The following PTPRT variants were observed in gnomAD, a reference collection of about 807,000 sequenced individuals.
The protein encoded by PTPRT is protein tyrosine phosphatase receptor type T.
A neutral mutation model predicts 176.8 loss-of-function variants in PTPRT; 56 were observed. That is an observed-to-expected ratio of 0.32 (90% CI 0.26 to 0.40). The LOEUF (loss-of-function observed/expected upper bound fraction) is 0.40, where lower values mean the gene tolerates loss of function less well. Ranked by LOEUF, PTPRT falls within the 10% of genes least tolerant of loss-of-function variation. PTPRT has a pLI of 1.00. For synonymous variants in PTPRT, 783 were observed against 739.0 expected, an observed-to-expected ratio of 1.06 and a Z score of -0.96; for missense variants, 1,540 against 1,908.2, an observed-to-expected ratio of 0.81 and a Z score of 3.60.
At chr20:42,093,494 T>C (rs1299428462) in intron 27 of PTPRT, among the ~76,000 whole-genome samples, 1 of 152,172 alleles carries the variant, frequency 6.6e-6, no homozygotes, top group Admixed American at 6.5e-5. Context: ...GCTGACTAAA[T>C]GAAGTAGTGT....
In PTPRT at chr20:42,073,067, C is replaced by G. The variant is rs1441045242; in HGVS notation, c.*7812G>C. ...CATACGTGCTTTATCTATCAAACAC[C>G]CAAACTGTACAAGTGCAGGCCATTG... is the stretch of plus-strand genomic sequence containing the variant. On this transcript the variant is annotated 3_prime_UTR_variant, in exon 31 of 31. Coordinates refer to ENST00000373187, the MANE Select transcript of PTPRT (RefSeq NM_007050.6). The G allele has an allele frequency of 4.6e-6, 1 of 216,118 alleles. No individual in the cohort carries two copies. Among genetic ancestry groups the G allele is most frequent in the Non-Finnish European group, 9.3e-6 (1 of 107,028 alleles). 13.4% of individuals were successfully genotyped at this position (216,118 alleles called of 1,614,324 possible).
Position 42,625,904 on chromosome 20 carries a change from G to A in PTPRT, c.1153+51962C>T, listed in dbSNP as rs374999185. ...TTACCTAATCCATTCTGATTTTGAT[G>A]AAAAGTTCCATTTTGTAGAAATGGA... is the stretch of plus-strand genomic sequence containing the variant. On this transcript the variant is annotated intron_variant, in intron 7 of 30. Coordinates refer to ENST00000373187, the MANE Select transcript of PTPRT (RefSeq NM_007050.6). 4.5e-3 allele frequency among the ~76,000 whole-genome samples: 554 copies of A among 123,060 alleles called. 7 individuals are homozygous for A. Among genetic ancestry groups the A allele is most frequent in the Middle Eastern group, 0.013 (3 of 230 alleles). The allele number at this position is 123,060 out of a possible 152,430, so 80.7% of individuals were successfully genotyped here.
intron 1 of PTPRT, among the ~76,000 whole-genome samples, chr20:42,887,961 T>C (rs1162096655): frequency 6.6e-6 from 1 of 152,148 alleles, no homozygotes; most frequent in Non-Finnish European, 1.5e-5. Flanking sequence ...GTTCACCCCT[T>C]CTGCCATGTG....
At chr20:42,928,381 A>G (rs1379579621) in intron 1 of PTPRT, among the ~76,000 whole-genome samples, 1 of 152,238 alleles carries the variant, frequency 6.6e-6, no homozygotes, top group Non-Finnish European at 1.5e-5. Context: ...AGATGACTGC[A>G]TCTGTCTGGG....
chr20:42,582,507 C>A (rs973124210), intron 7 of PTPRT, among the ~76,000 whole-genome samples: 1 of 152,152 alleles, frequency 6.6e-6, no homozygotes, highest in African/African-American at 2.4e-5. Flanking sequence ...GGTGAGTCCG[C>A]CTGAAATTAA....
chr20:42,483,066 C>T (rs1338203284), intron 7 of PTPRT, among the ~76,000 whole-genome samples: 1 of 152,152 alleles, frequency 6.6e-6, no homozygotes, highest in East Asian at 1.9e-4. Context: ...ATAAAAATGG[C>T]AAGCTATGTA....
At chr20:42,818,946 G>C (rs1304214474) in intron 2 of PTPRT, among the ~76,000 whole-genome samples, 3 of 152,162 alleles carry the variant, frequency 2.0e-5, no homozygotes, top group African/African-American at 7.2e-5. Context: ...AGAAAGAGAT[G>C]GGGAGAGTGG....
intron 7 of PTPRT, among the ~76,000 whole-genome samples, chr20:42,586,757 G>T (rs1388006977): frequency 6.6e-6 from 1 of 152,130 alleles, no homozygotes; most frequent in East Asian, 1.9e-4. Context: ...ATTTGAAAAT[G>T]GTTTGTCATT....
At chr20:42,628,947 C>T (rs974965881) in intron 7 of PTPRT, among the ~76,000 whole-genome samples, 1 of 152,092 alleles carries the variant, frequency 6.6e-6, no homozygotes. Context: ...TAATACTTAG[C>T]AAGAAAGTAG....
chr20:42,761,851 C>T (rs1179042969), intron 5 of PTPRT, among the ~76,000 whole-genome samples: 1 of 152,114 alleles, frequency 6.6e-6, no homozygotes, highest in African/African-American at 2.4e-5. Flanking sequence ...AGGATTGGAC[C>T]CAGGTGATCT....
At chr20:42,312,997 C>T (rs2057659285) in intron 12 of PTPRT, among the ~76,000 whole-genome samples, 1 of 151,866 alleles carries the variant, frequency 6.6e-6, no homozygotes, top group Non-Finnish European at 1.5e-5. Flanking sequence ...TTCTAACTCA[C>T]AGGATGAGAT....
chr20:42,772,185 A>G (rs779359836), intron 4 of PTPRT, among the ~76,000 whole-genome samples: 4 of 152,224 alleles, frequency 2.6e-5, no homozygotes, highest in Non-Finnish European at 5.9e-5. Flanking sequence ...GAAGGAAAGC[A>G]CTAGTAGCTG....
intron 1 of PTPRT, among the ~76,000 whole-genome samples, chr20:42,954,553 C>T (rs1391320323): frequency 6.6e-6 from 1 of 152,206 alleles, no homozygotes; most frequent in Non-Finnish European, 1.5e-5. Context: ...AGCATGTTAT[C>T]CACATCTTCA....
At chr20:42,192,913 G>A (rs573761051) in intron 16 of PTPRT, among the ~76,000 whole-genome samples, 15 of 152,256 alleles carry the variant, frequency 9.9e-5, no homozygotes, top group Non-Finnish European at 2.2e-4. Flanking sequence ...CATCCACTTG[G>A]CAGCTGCCTT....
At chr20:42,100,938 G>T (rs940289145) in intron 26 of PTPRT, among the ~76,000 whole-genome samples, 1 of 152,202 alleles carries the variant, frequency 6.6e-6, no homozygotes, top group African/African-American at 2.4e-5. Context: ...GCTGGGATAG[G>T]CATTGACCTT....
At chr20:42,968,903 G>A (rs906819431) in intron 1 of PTPRT, 2 of 152,206 alleles carry the variant, frequency 1.3e-5, no homozygotes, top group Admixed American at 6.5e-5. Flanking sequence ...AGTTGTAGAG[G>A]ACCCATCAGG....
At chr20:42,222,295 A>G (rs919130985) in intron 15 of PTPRT, among the ~76,000 whole-genome samples, 2 of 152,132 alleles carry the variant, frequency 1.3e-5, no homozygotes, top group Non-Finnish European at 2.9e-5. Flanking sequence ...TCCTCATTGG[A>G]GTGACTCAAA....
chr20:42,780,193 T>C, intron 4 of PTPRT, 25 bp downstream of exon 4: 8 of 1,586,638 alleles, frequency 5.0e-6, no homozygotes, highest in African/African-American at 1.3e-5. Flanking sequence ...ATCAAGGCTG[T>C]GTTGGGAGGA....
the PTPRT span, among the ~76,000 whole-genome samples, chr20:42,047,873 G>A: frequency 2.0e-5 from 3 of 152,158 alleles, no homozygotes; most frequent in Non-Finnish European, 4.4e-5. Context: ...TCTTCCCAGT[G>A]CCCAATATCA....
Sources: gnomAD v4.1 joint callset for allele counts (sites outside exome capture counted in the v4.1 genomes callset) on GRCh38, gnomAD v4.1.1 for gene constraint, MANE v1.5 for transcripts, NCBI Gene and HGNC (gene_info 2026-07-23, HGNC 2026-07-21) for gene names.